PDE7A: variants seen among roughly 807,000 people sequenced by gnomAD.
PDE7A encodes the protein phosphodiesterase 7A, also known as high affinity 3',5'-cyclic-AMP phosphodiesterase 7A.
Under a neutral mutation model 64.3 loss-of-function variants are expected in PDE7A, and 39 were observed. The observed-to-expected ratio is 0.61, with a 90% confidence interval of 0.47 to 0.79. PDE7A has a LOEUF of 0.79. Among genes scored for constraint, PDE7A ranks in the 30% least tolerant of loss-of-function variants. The pLI is 0.00. For synonymous variants in PDE7A, 203 were observed against 206.8 expected (o/e 0.98, Z 0.16); for missense variants, 470 against 582.8 (o/e 0.81, Z 1.99).
At chr8:65,768,846 A>C (rs527860606) in intron 3 of PDE7A, among the ~76,000 whole-genome samples, 1 of 152,338 alleles carries the variant, frequency 6.6e-6, no homozygotes, top group Non-Finnish European at 1.5e-5. Flanking sequence ...ATAATAAAAG[A>C]TATAATCAAA....
At chr8:65,729,989 GCCATGGACCGGTACTGGT>G (rs1806785212) in intron 7 of PDE7A, among the ~76,000 whole-genome samples, 1 of 151,674 alleles carries the variant, frequency 6.6e-6, no homozygotes, top group Admixed American at 6.6e-5. Flanking sequence ...CAATCCCCAG[GCCATGGACCGGTACTGGT>G]CCATGGCCTG....
At chr8:65,731,857 C>T (rs1271444569) in intron 7 of PDE7A, among the ~76,000 whole-genome samples, 1 of 152,150 alleles carries the variant, frequency 6.6e-6, no homozygotes, top group Middle Eastern at 3.2e-3. Context: ...TCCCTCTGTA[C>T]TTGGACTTTC....
At position 65,730,171 on chromosome 8, in the gene PDE7A, C is replaced by CTTCTTTTTTTTTTTTTTTT. The variant is rs1295965698; in HGVS notation, c.697-2871_697-2870insAAAAAAAAAAAAAAAAGAA. Among the ~76,000 whole-genome samples, 97 of 86,446 alleles carry CTTCTTTTTTTTTTTTTTTT rather than the reference C, an allele frequency of 1.1e-3. 22 individuals carry two copies. Among genetic ancestry groups the CTTCTTTTTTTTTTTTTTTT allele is most frequent in the African/African-American group, 4.2e-3 (88 of 20,936 alleles). 56.7% of individuals were successfully genotyped at this position (86,446 alleles called of 152,430 possible). ...TGTGAGGGATCCAGGTTGCGCACTT[C>CTTCTTTTTTTTTTTTTTTT]TTTTTTTTTTTTTTTTTTTTTTTTT... On this transcript the variant is annotated intron_variant, in intron 7 of 12. Coordinates refer to ENST00000401827, the MANE Select transcript of PDE7A (RefSeq NM_001242318.3).
intron 3 of PDE7A, among the ~76,000 whole-genome samples, chr8:65,757,093 C>T (rs1454610214): frequency 6.6e-6 from 1 of 152,076 alleles, no homozygotes; most frequent in Admixed American, 6.5e-5. Flanking sequence ...ATGGAAGCTT[C>T]ATAATGTCAG....
intron 3 of PDE7A, among the ~76,000 whole-genome samples, chr8:65,762,287 G>A (rs1470452921): frequency 1.3e-5 from 2 of 151,958 alleles, no homozygotes; most frequent in African/African-American, 4.8e-5. Flanking sequence ...TTAACATCGG[G>A]TAATTACACT....
rs1397158581 is a variant in PDE7A, at chr8:65,842,000, C to T, written c.-492G>A. 4.2e-6 allele frequency: 1 copy of T among 240,752 alleles called. No homozygotes were observed. Among genetic ancestry groups the T allele is most frequent in the Non-Finnish European group, 7.9e-6 (1 of 126,344 alleles). 14.9% of individuals were successfully genotyped at this position (240,752 alleles called of 1,614,324 possible). A position where few individuals can be genotyped will look rare whatever the true frequency, so the allele number is the denominator to read the frequency against. ...CGCCGCCGCCGCCGCCGCCGGAGTCCTGCTCCTCCCCTCCCCCGGAGCCTG... is the reference window on the plus strand; with the variant it reads ...CGCCGCCGCCGCCGCCGCCGGAGTCTTGCTCCTCCCCTCCCCCGGAGCCTG... On this transcript the variant is annotated 5_prime_UTR_variant, in exon 1 of 13. Coordinates refer to ENST00000401827, the MANE Select transcript of PDE7A (RefSeq NM_001242318.3).
intron 1 of PDE7A, among the ~76,000 whole-genome samples, chr8:65,840,835 G>A (rs1031335835): frequency 6.6e-6 from 1 of 152,244 alleles, no homozygotes; most frequent in African/African-American, 2.4e-5. Flanking sequence ...GTACAGCCCA[G>A]CCACAGAAAC....
intron 1 of PDE7A, among the ~76,000 whole-genome samples, chr8:65,812,844 A>T (rs574123866): frequency 6.6e-6 from 1 of 152,234 alleles, no homozygotes; most frequent in South Asian, 2.1e-4. Flanking sequence ...CAAGGATTCG[A>T]AAGACTGATA....
intron 1 of PDE7A, among the ~76,000 whole-genome samples, chr8:65,797,215 G>C (rs183304980): frequency 4.6e-5 from 7 of 152,248 alleles, no homozygotes; most frequent in African/African-American, 1.7e-4. Context: ...TAACCCCCAG[G>C]TGCCTGTAAA....
chr8:65,821,101 T>TA (rs1810530838), intron 1 of PDE7A, among the ~76,000 whole-genome samples: 1 of 152,196 alleles, frequency 6.6e-6, no homozygotes, highest in Non-Finnish European at 1.5e-5. Context: ...TCAAGGGCAC[T>TA]AGCTAGTAGC....
At chr8:65,788,969 T>C in intron 1 of PDE7A, 4 of 1,609,226 alleles carry the variant, frequency 2.5e-6, no homozygotes, top group Non-Finnish European at 2.5e-6. Flanking sequence ...CGCTGCATAA[T>C]CTCTCTCTTC....
intron 1 of PDE7A, among the ~76,000 whole-genome samples, chr8:65,810,330 C>T (rs1810227152): frequency 6.8e-6 from 1 of 147,456 alleles, no homozygotes; most frequent in African/African-American, 2.5e-5. Flanking sequence ...GGGAACGTGA[C>T]ACACCAGGGC....
At chr8:65,795,230 A>C (rs1272345294) in intron 1 of PDE7A, among the ~76,000 whole-genome samples, 1 of 152,220 alleles carries the variant, frequency 6.6e-6, no homozygotes, top group Non-Finnish European at 1.5e-5. Flanking sequence ...AATGGAAAAA[A>C]CCAAGGTAAG....
intron 3 of PDE7A, among the ~76,000 whole-genome samples, chr8:65,760,244 CA>C (rs1808427334): frequency 6.6e-6 from 1 of 152,098 alleles, no homozygotes; most frequent in Admixed American, 6.6e-5. Flanking sequence ...CAAAACAAAA[CA>C]AAACAAAAAT....
intron 1 of PDE7A, among the ~76,000 whole-genome samples, chr8:65,806,238 G>A (rs545314290): frequency 1.3e-5 from 2 of 152,198 alleles, no homozygotes; most frequent in African/African-American, 2.4e-5. Flanking sequence ...TCTCCCAAAT[G>A]ATAATAACTT....
intron 8 of PDE7A, 30 bp from the exon 9 acceptor site, chr8:65,726,996 A>T (rs1325320870): frequency 8.1e-7 from 1 of 1,232,280 alleles, no homozygotes; most frequent in South Asian, 1.2e-5. Flanking sequence ...TGAGTTACTT[A>T]ATGATACGTC....
chr8:65,775,409 A>G (rs1809231207), intron 3 of PDE7A, among the ~76,000 whole-genome samples: 1 of 152,182 alleles, frequency 6.6e-6, no homozygotes, highest in African/African-American at 2.4e-5. Flanking sequence ...AGTATTTTTT[A>G]AGGCTATGAA....
At position 65,841,400 on chromosome 8, in the gene PDE7A, C is replaced by G. The variant is rs771267851; in HGVS notation, c.109G>C (p.Gly37Arg). 1 of 1,562,454 alleles carries G rather than the reference C, an allele frequency of 6.4e-7. No individual in the cohort carries two copies. Among genetic ancestry groups the G allele is most frequent in the Non-Finnish European group, 8.6e-7 (1 of 1,158,808 alleles). The change falls in exon 1 of 13, where the codon GGC (glycine) becomes CGC (arginine). Residue 37 changes from glycine (G) to arginine (R), a missense_variant. Coordinates refer to ENST00000401827, the MANE Select transcript of PDE7A (RefSeq NM_001242318.3). ...ISFSSSSALFGCPNPRQLSQR... is the reference protein window; with the variant it reads ...ISFSSSSALFRCPNPRQLSQR... Reference sequence around the variant, plus strand: ...GAGAGCTGCCGGGGATTGGGGCAGCCGAAGAGAGCGGAGCTGGAGCTGAAG... The same window carrying G: ...GAGAGCTGCCGGGGATTGGGGCAGCGGAAGAGAGCGGAGCTGGAGCTGAAG...
chr8:65,735,475 A>AT (rs1391572326), intron 6 of PDE7A, among the ~76,000 whole-genome samples: 5 of 151,634 alleles, frequency 3.3e-5, no homozygotes, highest in Non-Finnish European at 7.4e-5. Flanking sequence ...TGTCTGGCTC[A>AT]TTTTTTTGTA....
Sources: allele counts gnomAD v4.1 joint callset (sites outside exome capture counted in the v4.1 genomes callset), GRCh38; gene constraint gnomAD v4.1.1; transcripts MANE v1.5; gene names NCBI Gene and HGNC (gene_info 2026-07-23, HGNC 2026-07-21).